NCKAP5: variants seen among roughly 807,000 people sequenced by gnomAD.
NCKAP5 encodes the protein NCK associated protein 5.
A neutral mutation model predicts 167.0 loss-of-function variants in NCKAP5; 92 were observed. The observed-to-expected ratio is 0.55, with a 90% CI of 0.47 to 0.66. The LOEUF (loss-of-function observed/expected upper bound fraction) is 0.66. NCKAP5 is among the 30% of genes least tolerant of loss of function. The probability of loss-of-function intolerance (pLI) is 0.00; values close to 1 mark genes in which losing one functional copy is unlikely to be tolerated. For synonymous variants in NCKAP5, 891 were observed against 877.4 expected (o/e 1.02, Z -0.27); for missense variants, 2,378 against 2,315.0 (o/e 1.03, Z -0.56).
At chr2:133,639,241 A>G in the NCKAP5 span, among the ~76,000 whole-genome samples, 2 of 152,228 alleles carry the variant, frequency 1.3e-5, no homozygotes, top group Non-Finnish European at 2.9e-5. Flanking sequence ...TGATTCAGTA[A>G]TTTGAGGAAC....
At chr2:132,948,140 T>A (rs1008130955) in intron 8 of NCKAP5, among the ~76,000 whole-genome samples, 1 of 152,186 alleles carries the variant, frequency 6.6e-6, no homozygotes, top group African/African-American at 2.4e-5. Context: ...CAGTTTTTTT[T>A]ATCTAGCCAA....
chr2:133,148,924 T>C (rs751580651), intron 5 of NCKAP5, among the ~76,000 whole-genome samples: 4 of 152,174 alleles, frequency 2.6e-5, no homozygotes, highest in Admixed American at 6.5e-5. Context: ...GAATTGATCA[T>C]TGTCTTCTCA....
chr2:132,820,386 C>T (rs550068877), intron 11 of NCKAP5, among the ~76,000 whole-genome samples: 2 of 151,782 alleles, frequency 1.3e-5, no homozygotes, highest in South Asian at 2.1e-4. Flanking sequence ...CCCGCCACCA[C>T]GCCCAGCTAA....
intron 6 of NCKAP5, among the ~76,000 whole-genome samples, chr2:133,102,271 C>A (rs577921122): frequency 6.6e-6 from 1 of 152,048 alleles, no homozygotes; most frequent in Admixed American, 6.5e-5. Context: ...CTCAGCCTCC[C>A]GAGTAGCCGG....
Position 133,477,545 on chromosome 2 carries a change from A to G in NCKAP5, c.69+39913T>C, listed in dbSNP as rs867386793. Among the ~76,000 whole-genome samples, 114 of 152,268 alleles carry G rather than the reference A, an allele frequency of 7.5e-4. 2 individuals carry two copies. Among genetic ancestry groups the G allele is most frequent in the African/African-American group, 2.5e-3 (103 of 41,556 alleles). ...GAAACCTCAAGTAGAACCCAACCCT[A>G]TATACACTATGTTTTTTCCTACACA... On this transcript the variant is annotated intron_variant, in intron 3 of 19. Coordinates refer to ENST00000409261, the MANE Select transcript of NCKAP5 (RefSeq NM_207363.3).
intron 8 of NCKAP5, among the ~76,000 whole-genome samples, chr2:132,920,771 G>GTGTATATATATATATATATA (rs1219401757): frequency 2.5e-4 from 8 of 31,570 alleles, no homozygotes; most frequent in Non-Finnish European, 3.9e-4. Context: ...ATATATGTAT[G>GTGTATATATATATATATATA]TATATATATA....
intron 19 of NCKAP5, among the ~76,000 whole-genome samples, chr2:132,718,267 A>G (rs888736680): frequency 6.6e-6 from 1 of 152,218 alleles, no homozygotes; most frequent in African/African-American, 2.4e-5. Flanking sequence ...CCAATCTTCT[A>G]TCCTCTAGCA....
chr2:132,885,214 GA>G (rs994620817), intron 8 of NCKAP5, among the ~76,000 whole-genome samples: 6 of 151,328 alleles, frequency 4.0e-5, no homozygotes, highest in South Asian at 4.2e-4. Flanking sequence ...AAAAAAACAG[GA>G]AAAAAAACCC....
chr2:132,958,167 A>G (rs2076397932), intron 8 of NCKAP5, among the ~76,000 whole-genome samples: 2 of 152,204 alleles, frequency 1.3e-5, no homozygotes, highest in Admixed American at 6.5e-5. Context: ...GAACATGAAA[A>G]TAGCATATAT....
chr2:133,090,889 G>A (rs1195219293), intron 6 of NCKAP5, among the ~76,000 whole-genome samples: 2 of 152,096 alleles, frequency 1.3e-5, no homozygotes, highest in African/African-American at 4.8e-5. Flanking sequence ...CCTCGCTGAT[G>A]TGGTTTGGGT....
At chr2:133,137,241 G>A (rs16857164) in intron 5 of NCKAP5, among the ~76,000 whole-genome samples, 4,635 of 152,208 alleles carry the variant, frequency 0.03, 217 homozygotes, top group African/African-American at 0.1. Context: ...GGAACTTGAG[G>A]ATTGATTTTT....
At chr2:132,900,965 CAAAAAAAAAAAGAAAAAAA>C (rs1471925472) in intron 8 of NCKAP5, among the ~76,000 whole-genome samples, 8 of 31,668 alleles carry the variant, frequency 2.5e-4, no homozygotes, top group Admixed American at 3.6e-4. Flanking sequence ...GACTCTGTCT[CAAAAAAAAAAAGAAAAAAA>C]AAAAAAAAAA....
chr2:132,919,261 G>C (rs945627667), intron 8 of NCKAP5, among the ~76,000 whole-genome samples: 1 of 152,182 alleles, frequency 6.6e-6, no homozygotes, highest in Admixed American at 6.5e-5. Flanking sequence ...AGCACTCCCA[G>C]GATGTGTTCA....
chr2:133,339,278 G>A (rs1198484798), intron 3 of NCKAP5, among the ~76,000 whole-genome samples: 2 of 152,028 alleles, frequency 1.3e-5, no homozygotes, highest in Non-Finnish European at 2.9e-5. Context: ...AGAAGTTTAT[G>A]GAACTTTTTC....
At chr2:133,416,749 A>G (rs1689134941) in intron 3 of NCKAP5, among the ~76,000 whole-genome samples, 1 of 152,076 alleles carries the variant, frequency 6.6e-6, no homozygotes, top group Non-Finnish European at 1.5e-5. Context: ...ATGTCAAAGC[A>G]TTTCTACTCA....
rs151029723 is a variant in NCKAP5 at position 132,828,150 on chromosome 2, T to G, written c.808-31421A>C. Among the ~76,000 whole-genome samples, 456 of 152,338 alleles carry G rather than the reference T, an allele frequency of 3.0e-3. 2 individuals carry two copies. The highest frequency in any genetic ancestry group is 0.01 in the African/African-American group (436 of 41,588). On this transcript the variant is annotated intron_variant, in intron 11 of 19. Coordinates refer to ENST00000409261, the MANE Select transcript of NCKAP5 (RefSeq NM_207363.3). ...CGCCAGACTGAATCTGCTGGTGCCT[T>G]GATCTTGAACTGTCCAGCCTCTAGA... is the stretch of plus-strand genomic sequence containing the variant.
At chr2:133,525,714 G>C (rs928567324) in intron 2 of NCKAP5, among the ~76,000 whole-genome samples, 4 of 151,996 alleles carry the variant, frequency 2.6e-5, no homozygotes, top group African/African-American at 9.7e-5. Context: ...TTATTCATTT[G>C]CTGCAGAAAC....
the NCKAP5 span, among the ~76,000 whole-genome samples, chr2:133,583,600 T>A: frequency 6.6e-6 from 1 of 152,186 alleles, no homozygotes; most frequent in Non-Finnish European, 1.5e-5. Flanking sequence ...TCATGGAGTT[T>A]GTAAAAGTTC....
chr2:132,939,847 A>G (rs1464941526), intron 8 of NCKAP5, among the ~76,000 whole-genome samples: 1 of 152,136 alleles, frequency 6.6e-6, no homozygotes, highest in Non-Finnish European at 1.5e-5. Flanking sequence ...TAAAAATACA[A>G]AAATTAGCTG....
Sources: gnomAD v4.1 joint callset for allele counts (sites outside exome capture counted in the v4.1 genomes callset) on GRCh38, gnomAD v4.1.1 for gene constraint, MANE v1.5 for transcripts, NCBI Gene and HGNC (gene_info 2026-07-23, HGNC 2026-07-21) for gene names.